AKAP19: variants seen among roughly 807,000 people sequenced by gnomAD.
The protein encoded by AKAP19 is A-kinase anchoring protein 19.
At chr2:189,932,573 C>T in the AKAP19 span, among the ~76,000 whole-genome samples, 39 of 151,918 alleles carry the variant, frequency 2.6e-4, no homozygotes, top group South Asian at 4.2e-4. Flanking sequence ...GGTAGGAACT[C>T]GTGCACCTTT....
chr2:189,968,862 T>C, the AKAP19 span, among the ~76,000 whole-genome samples: 2 of 152,010 alleles, frequency 1.3e-5, no homozygotes, highest in East Asian at 1.9e-4. Flanking sequence ...TAGATATTTG[T>C]TTATTATACA....
the AKAP19 span, chr2:190,060,320 G>T: frequency 6.2e-7 from 1 of 1,612,736 alleles, no homozygotes; most frequent in Admixed American, 1.7e-5. Context: ...TAGGAGTCTC[G>T]ACGGGTCTCA....
the AKAP19 span, among the ~76,000 whole-genome samples, chr2:189,942,270 T>G: frequency 6.6e-6 from 1 of 151,700 alleles, no homozygotes; most frequent in South Asian, 2.1e-4. Flanking sequence ...ACCTCCCCAC[T>G]CAACTCTGTT....
At chr2:190,186,764 C>CT in the AKAP19 span, among the ~76,000 whole-genome samples, 1 of 152,208 alleles carries the variant, frequency 6.6e-6, no homozygotes, top group African/African-American at 2.4e-5. The surrounding 1 kb of genome is among the most constrained non-coding windows in gnomAD (Gnocchi z 5.5). Flanking sequence ...AAAGTATATT[C>CT]TTAGTATCCA....
At chr2:189,883,512 T>G in the AKAP19 span, among the ~76,000 whole-genome samples, 1 of 151,134 alleles carries the variant, frequency 6.6e-6, no homozygotes, top group Non-Finnish European at 1.5e-5. Context: ...TTCCTGTTTT[T>G]TTTTTTTTTT....
chr2:190,041,664 C>G, the AKAP19 span, among the ~76,000 whole-genome samples: 983 of 152,138 alleles, frequency 6.5e-3, 14 homozygotes, highest in African/African-American at 0.022. Context: ...TCATAGATGG[C>G]TCTTATTATT....
At chr2:190,116,352 G>A in the AKAP19 span, among the ~76,000 whole-genome samples, 1 of 152,286 alleles carries the variant, frequency 6.6e-6, no homozygotes, top group Admixed American at 6.5e-5. Context: ...GAGAGTGCAT[G>A]TGAGAGAGTA....
the AKAP19 span, among the ~76,000 whole-genome samples, chr2:190,024,429 G>A: frequency 2.8e-4 from 42 of 147,498 alleles, no homozygotes; most frequent in South Asian, 3.9e-3. Context: ...AAGAATTCCC[G>A]GTTCATTTCA....
At chr2:190,170,881 G>A in the AKAP19 span, among the ~76,000 whole-genome samples, 1 of 152,264 alleles carries the variant, frequency 6.6e-6, no homozygotes, top group East Asian at 1.9e-4. Flanking sequence ...TGTGTACATT[G>A]AACTTCCTTG....
chr2:189,939,604 A>G, the AKAP19 span, among the ~76,000 whole-genome samples: 1 of 152,210 alleles, frequency 6.6e-6, no homozygotes, highest in Non-Finnish European at 1.5e-5. Context: ...CAAGATGGTG[A>G]TGTGTGAACT....
chr2:190,057,563 G>A, the AKAP19 span: 2 of 1,613,480 alleles, frequency 1.2e-6, no homozygotes, highest in South Asian at 1.1e-5. Flanking sequence ...TCTGTTGAGT[G>A]CTCATCACAG....
chr2:190,161,466 A>C, the AKAP19 span, among the ~76,000 whole-genome samples: 2 of 152,168 alleles, frequency 1.3e-5, no homozygotes, highest in African/African-American at 2.4e-5. Context: ...ATTCTAAACA[A>C]GTAGCAAGTA....
At chr2:189,918,247 GT>G in the AKAP19 span, among the ~76,000 whole-genome samples, 1 of 151,994 alleles carries the variant, frequency 6.6e-6, no homozygotes, top group Non-Finnish European at 1.5e-5. Flanking sequence ...ATTTATCTAT[GT>G]TTTTTACTTA....
the AKAP19 span, chr2:190,202,557 C>T: frequency 6.0e-6 from 1 of 166,964 alleles, no homozygotes; most frequent in African/African-American, 2.4e-5. Flanking sequence ...GGATATTAGC[C>T]TTCTTTCATA....
At chr2:190,098,211 A>C in the AKAP19 span, among the ~76,000 whole-genome samples, 1 of 152,112 alleles carries the variant, frequency 6.6e-6, no homozygotes, top group East Asian at 1.9e-4. Flanking sequence ...GTCTATGGCA[A>C]CTATAGCCTT....
chr2:190,051,523 TCTG>T, the AKAP19 span, among the ~76,000 whole-genome samples: 1 of 152,202 alleles, frequency 6.6e-6, no homozygotes, highest in Non-Finnish European at 1.5e-5. Context: ...AGGAAGGACT[TCTG>T]CTGGCCCTGC....
the AKAP19 span, among the ~76,000 whole-genome samples, chr2:190,168,011 C>G: frequency 6.6e-6 from 1 of 152,336 alleles, no homozygotes; most frequent in Non-Finnish European, 1.5e-5. Flanking sequence ...CCCCACATTT[C>G]CCTTCCACGC....
At chr2:190,179,685 A>G in the AKAP19 span, among the ~76,000 whole-genome samples, 1 of 152,176 alleles carries the variant, frequency 6.6e-6, no homozygotes, top group African/African-American at 2.4e-5. This position sits in a 1 kb window ranked among gnomAD's most constrained non-coding sequence, Gnocchi z 6.0. Context: ...TTTATTTTTT[A>G]CTATAATGTA....
chr2:190,127,945 G>T, the AKAP19 span, among the ~76,000 whole-genome samples: 3 of 151,074 alleles, frequency 2.0e-5, no homozygotes, highest in South Asian at 4.2e-4. Flanking sequence ...AGAATTCACA[G>T]ATATAAAATT....
Sources: gnomAD v4.1 joint callset for allele counts (sites outside exome capture counted in the v4.1 genomes callset) on GRCh38, gnomAD v4.1.1 for gene constraint, Gnocchi (gnomAD v3.1) non-coding constraint, MANE v1.5 for transcripts, NCBI Gene and HGNC (gene_info 2026-07-23, HGNC 2026-07-21) for gene names.